Variants in SORBS2 observed in about 807,000 individuals in gnomAD.
The protein encoded by SORBS2 is sorbin and SH3 domain containing 2, also known as sorbin and SH3 domain-containing protein 2.
SORBS2 carries 46 observed loss-of-function variants against 97.7 expected under a neutral mutation model. The ratio of observed to expected loss-of-function variants is 0.47; its 90% CI spans 0.37 to 0.60. The LOEUF is 0.60. Ranked by LOEUF, SORBS2 falls within the 20% of genes least tolerant of loss-of-function variation. SORBS2 has a pLI of 0.00. For synonymous variants in SORBS2, 476 were observed against 473.4 expected, an observed-to-expected ratio of 1.01 and a Z score of -0.07; for missense variants, 1,316 against 1,282.3, an observed-to-expected ratio of 1.03 and a Z score of -0.40.
chr4:185,908,294 T>TATATATATTTGTATACACACAA (rs1554049915), intron 1 of SORBS2, among the ~76,000 whole-genome samples: 40 of 75,684 alleles, frequency 5.3e-4, no homozygotes, highest in Non-Finnish European at 9.0e-4. Context: ...TATATATATA[T>TATATATATTTGTATACACACAA]ATATATATAT....
chr4:185,918,295 T>A (rs1232343836), intron 1 of SORBS2: 1 of 151,946 alleles, frequency 6.6e-6, no homozygotes, highest in Non-Finnish European at 1.5e-5. Flanking sequence ...TACAACTAAC[T>A]TTTTTTTGTT....
intron 1 of SORBS2, among the ~76,000 whole-genome samples, chr4:185,829,445 A>G (rs2099203921): frequency 1.3e-5 from 2 of 152,312 alleles, no homozygotes; most frequent in African/African-American, 4.8e-5. Flanking sequence ...AGTACCATTA[A>G]TGTGATTACA....
At chr4:185,632,939 A>G (rs2096931715) in intron 4 of SORBS2, among the ~76,000 whole-genome samples, 1 of 152,210 alleles carries the variant, frequency 6.6e-6, no homozygotes, top group Non-Finnish European at 1.5e-5. Context: ...GACTGAGAGA[A>G]AAACTTGTAC....
rs573740419 is a variant in SORBS2, at chr4:185,599,933, G to A, written c.2797-5998C>T. ...CCAGGATGCCTGCCACAAAGTGGGG[G>A]CATGCTGACCCTACCCTGTGGGAAC... On this transcript the variant is annotated intron_variant, in intron 12 of 14. Transcript: ENST00000418609. Among the ~76,000 whole-genome samples the A allele has an allele frequency of 5.6e-4, 85 of 152,310 alleles. 1 individual carries two copies. The highest frequency in any genetic ancestry group is 1.0e-3 in the Admixed American group (16 of 15,300).
chr4:185,682,578 C>A (rs143748883), intron 2 of SORBS2, among the ~76,000 whole-genome samples: 52 of 152,196 alleles, frequency 3.4e-4, no homozygotes, highest in African/African-American at 1.1e-3. Flanking sequence ...TTAACAATAT[C>A]GAAGGCAATA....
At chr4:185,702,719 T>C (rs1463975579) in intron 2 of SORBS2, among the ~76,000 whole-genome samples, 1 of 152,034 alleles carries the variant, frequency 6.6e-6, no homozygotes, top group African/African-American at 2.4e-5. Context: ...TGGGAAGGTA[T>C]GCTTGGGCAA....
At chr4:185,657,529 C>T, upstream of SORBS2, 1 of 1,586,008 alleles carries the variant, frequency 6.3e-7, no homozygotes, top group Middle Eastern at 1.7e-4. Context: ...AGGATCGGTA[C>T]AGGGGGATAG....
Position 185,643,994 on chromosome 4 carries a change from C to G in SORBS2, c.396+2674G>C, listed in dbSNP as rs1031197164. Among the ~76,000 whole-genome samples, 10 of 152,230 alleles carry G rather than the reference C, an allele frequency of 6.6e-5. No homozygotes were observed. In the South Asian group the frequency reaches 1.5e-3, roughly 22 times the overall value. On this transcript the variant is annotated intron_variant, in intron 4 of 14. Coordinates refer to ENST00000418609, the Ensembl canonical transcript of SORBS2. ...CGGCCAGTCTCTACATCACCACGGC[C>G]CACTTGGCTCTTTTTGTTTTCTAAT...
At chr4:185,657,522 A>G (rs1223722760), upstream of SORBS2, 1 of 1,573,434 alleles carries the variant, frequency 6.4e-7, no homozygotes, top group Non-Finnish European at 8.6e-7. Flanking sequence ...TCCTCTGAGG[A>G]TCGGTACAGG....
chr4:185,798,716 T>C (rs1481116928), intron 1 of SORBS2, among the ~76,000 whole-genome samples: 1 of 152,198 alleles, frequency 6.6e-6, no homozygotes, highest in Non-Finnish European at 1.5e-5. Flanking sequence ...TCAGTCCATA[T>C]CTTGAATTAG....
intron 1 of SORBS2, among the ~76,000 whole-genome samples, chr4:185,933,956 G>A (rs548978802): frequency 6.6e-6 from 1 of 152,296 alleles, no homozygotes; most frequent in South Asian, 2.1e-4. Context: ...TAGATGGCCT[G>A]CTAAGCTGCA....
chr4:185,665,488 G>A (rs73013621), intron 4 of SORBS2, among the ~76,000 whole-genome samples: 13,831 of 152,176 alleles, frequency 0.091, 1,293 homozygotes, highest in East Asian at 0.24. Context: ...ACAGTAACAC[G>A]GGAAACCGTA....
chr4:185,720,159 T>C (rs1253868031), intron 2 of SORBS2, among the ~76,000 whole-genome samples: 1 of 152,184 alleles, frequency 6.6e-6, no homozygotes. Flanking sequence ...GAGCCCAGGT[T>C]CCCAGAATTG....
chr4:185,744,060 T>C, intron 2 of SORBS2, among the ~76,000 whole-genome samples: 1 of 135,632 alleles, frequency 7.4e-6, no homozygotes, highest in Admixed American at 7.8e-5. Flanking sequence ...TTCCTCCTTC[T>C]CCCCCTTCCT....
intron 2 of SORBS2, among the ~76,000 whole-genome samples, chr4:185,766,535 A>G (rs979757527): frequency 2.0e-5 from 3 of 152,232 alleles, no homozygotes; most frequent in Non-Finnish European, 4.4e-5. Context: ...GTAATTCACA[A>G]AAAATATACC....
At chr4:185,730,310 C>CT (rs67749971) in intron 2 of SORBS2, among the ~76,000 whole-genome samples, 1,363 of 125,236 alleles carry the variant, frequency 0.011, 17 homozygotes, top group African/African-American at 0.035. Flanking sequence ...AATATACTTT[C>CT]TTTTTTTTTT....
Position 185,830,176 on chromosome 4 carries a change from A to G in SORBS2, c.-337-54810T>C, listed in dbSNP as rs537472593. ...ATTTTTTTCTTTGATTTCCCTGATT[A>G]CTATTATTAACCTAGATGTAGCACA... On this transcript the variant is annotated intron_variant, in intron 1 of 20. Transcript: ENST00000284776. Among the ~76,000 whole-genome samples the G allele has an allele frequency of 3.9e-5, 6 of 152,256 alleles. No homozygotes were observed. In the South Asian group the frequency reaches 1.0e-3, roughly 26 times the overall value.
chr4:185,587,337 C>A, exon 15 of SORBS2: 2 of 268,596 alleles, frequency 7.4e-6, no homozygotes, highest in South Asian at 9.5e-5. Flanking sequence ...AAATATTTGA[C>A]CATTTTTAAA....
intron 2 of SORBS2, among the ~76,000 whole-genome samples, chr4:185,700,216 A>G (rs1391846179): frequency 6.6e-6 from 1 of 152,206 alleles, no homozygotes; most frequent in Non-Finnish European, 1.5e-5. Context: ...AATTAAATCA[A>G]TGTCTAAATG....
Sources: gnomAD v4.1 joint callset for allele counts (sites outside exome capture counted in the v4.1 genomes callset) on GRCh38, gnomAD v4.1.1 for gene constraint, MANE v1.5 for transcripts, NCBI Gene and HGNC (gene_info 2026-07-23, HGNC 2026-07-21) for gene names.